The following PDCD5 variants were observed in gnomAD, a reference collection of about 807,000 sequenced individuals.
The protein encoded by PDCD5 is programmed cell death protein 5.
In PDCD5, 23 loss-of-function variants were observed where a neutral mutation model predicts 21.9. The ratio of observed to expected loss-of-function variants is 1.05; its 90% CI spans 0.76 to 1.49. The LOEUF is 1.49. Among genes scored for constraint, PDCD5 ranks in the 40% most tolerant of loss-of-function variants. The pLI, the probability that PDCD5 is intolerant of heterozygous loss-of-function variation, is 0.00. For missense variants in PDCD5, 152 were observed against 147.7 expected, an observed-to-expected ratio of 1.03 and a Z score of -0.15; for synonymous variants, 45 against 49.4, an observed-to-expected ratio of 0.91 and a Z score of 0.37.
chr19:32,587,226 C>T, intron 5 of PDCD5, 27 bp from the exon 6 acceptor site: 1 of 1,506,970 alleles, frequency 6.6e-7, no homozygotes, highest in Non-Finnish European at 9.2e-7. Context: ...TAGAAATGTT[C>T]TGACACTCAT....
chr19:32,582,321 AGAT>A, intron 2 of PDCD5, 89 bp downstream of exon 2: 1 of 1,209,574 alleles, frequency 8.3e-7, no homozygotes, highest in East Asian at 2.4e-5. Context: ...TGTGTGACTC[AGAT>A]TTTTTTGTTT....
Position 32,587,429 on chromosome 19 carries a change from T to A in PDCD5, c.*129T>A. Reference sequence around the variant, plus strand: ...AAACTTGTTATGCAAAATAAAACATTTGGGTAAGTTGTTTTAGTATCATAG... The same window carrying A: ...AAACTTGTTATGCAAAATAAAACATATGGGTAAGTTGTTTTAGTATCATAG... On this transcript the variant is annotated 3_prime_UTR_variant, in exon 6 of 6. Coordinates refer to ENST00000590247, the MANE Select transcript of PDCD5 (RefSeq NM_004708.4). The A allele has an allele frequency of 1.7e-6, 1 of 585,824 alleles. No individual in the cohort carries two copies. 36.3% of individuals were successfully genotyped at this position (585,824 alleles called of 1,614,324 possible).
chr19:32,587,140 A>G, intron 5 of PDCD5, 113 bp from the exon 6 acceptor site: 4 of 910,182 alleles, frequency 4.4e-6, no homozygotes, highest in South Asian at 1.5e-5. Flanking sequence ...AGTTCACGCT[A>G]AGTTGCTTTA....
chr19:32,586,480 C>G (rs971950303), intron 4 of PDCD5: 1 of 1,101,996 alleles, frequency 9.1e-7, no homozygotes, highest in African/African-American at 1.6e-5. Context: ...TGTGACTTAC[C>G]TCCTTCAAGG....
intron 1 of PDCD5, chr19:32,581,640 C>T (rs1971427193): frequency 3.5e-6 from 1 of 282,314 alleles, no homozygotes; most frequent in Non-Finnish European, 6.5e-6. Context: ...TTGGAGCCAG[C>T]AGCCGGACCG....
intron 1 of PDCD5, 190 bp downstream of exon 1, chr19:32,581,517 G>C: frequency 2.6e-6 from 1 of 378,610 alleles, no homozygotes; most frequent in Non-Finnish European, 4.6e-6. Flanking sequence ...GGCCCAGGAG[G>C]CTGGCGGCGG....
chr19:32,583,571 CTATT>C (rs1971449667), intron 2 of PDCD5, among the ~76,000 whole-genome samples: 1 of 151,624 alleles, frequency 6.6e-6, no homozygotes, highest in Admixed American at 6.6e-5. Flanking sequence ...ATGGAGATCT[CTATT>C]AGACCTCTCA....
At chr19:32,583,577 G>A (rs572690965) in intron 2 of PDCD5, among the ~76,000 whole-genome samples, 10 of 151,336 alleles carry the variant, frequency 6.6e-5, no homozygotes, top group Admixed American at 5.3e-4. Flanking sequence ...ATCTCTATTA[G>A]ACCTCTCATT....
Position 32,587,438 on chromosome 19 carries a change from T to C in PDCD5, c.*138T>C. ...ATGCAAAATAAAACATTTGGGTAAG[T>C]TGTTTTAGTATCATAGCCAAGTGGC... On this transcript the variant is annotated 3_prime_UTR_variant, in exon 6 of 6. Transcript: ENST00000590247. 1 of 564,984 alleles carries C rather than the reference T, an allele frequency of 1.8e-6. No homozygotes were observed. The highest frequency in any genetic ancestry group is 3.0e-6 in the Non-Finnish European group (1 of 331,084). The allele number at this position is 564,984 out of a possible 1,614,324, so 35.0% of individuals were successfully genotyped here. A position where few individuals can be genotyped will look rare whatever the true frequency, so the allele number is the denominator to read the frequency against.
At position 32,584,773 on chromosome 19, in the gene PDCD5, C is replaced by A. The variant is rs1032710267; in HGVS notation, c.105-177C>A. On this transcript the variant is annotated intron_variant, in intron 2 of 5. Coordinates refer to ENST00000590247, the MANE Select transcript of PDCD5 (RefSeq NM_004708.4). ...TAATATAAAGCTGGTTCTTTGAGGG[C>A]AAAAGGGGATTCTACTTGAATGTAG... The A allele has an allele frequency of 4.9e-6, 3 of 614,324 alleles. No homozygotes were observed. The Admixed American group carries it at 8.4e-5, about 17-fold the overall frequency. 38.1% of individuals were successfully genotyped at this position (614,324 alleles called of 1,614,324 possible).
rs1358626263 is a variant in PDCD5, at chr19:32,585,910, A to G, written c.258+3A>G. The G allele has an allele frequency of 1.9e-6, 3 of 1,612,650 alleles. No individual in the cohort carries two copies. The African/African-American group carries it at 4.0e-5, about 22-fold the overall frequency. ...GATATGGACAACTAAGTGAGAAGGT[A>G]AGCTTAGACAGCCTTGAGGAACTTT... On this transcript the variant is annotated splice_donor_region_variant and intron_variant, in intron 4 of 5. Transcript: ENST00000590247.
chr19:32,584,891 T>A lies in PDCD5; in HGVS notation c.105-59T>A, dbSNP rs191960849. ...TACTGGATGGGTTCTTTCTCGTATG[T>A]TACATGGGAATGCCGACAGCTGTGT... is the stretch of plus-strand genomic sequence containing the variant. On this transcript the variant is annotated intron_variant, in intron 2 of 5. Coordinates refer to ENST00000590247, the MANE Select transcript of PDCD5 (RefSeq NM_004708.4). The A allele has an allele frequency of 1.4e-4, 197 of 1,380,368 alleles. 1 individual carries two copies. In the African/African-American group the frequency reaches 2.3e-3, roughly 16 times the overall value. The allele number at this position is 1,380,368 out of a possible 1,614,324, so 85.5% of individuals were successfully genotyped here.
chr19:32,581,710 G>A (rs548134225), intron 1 of PDCD5: 1 of 211,912 alleles, frequency 4.7e-6, no homozygotes, highest in Non-Finnish European at 9.2e-6. Context: ...GGTATTGAGG[G>A]TCCGCTGTGT....
At chr19:32,582,295 A>C (rs1180839237) in intron 2 of PDCD5, 63 bp downstream of exon 2, 5 of 1,423,758 alleles carry the variant, frequency 3.5e-6, no homozygotes, top group East Asian at 4.6e-5. Context: ...CTTTTGCTGT[A>C]GTTATTTTAA....
At chr19:32,585,997 A>G (rs1236592784) in intron 4 of PDCD5, 90 bp downstream of exon 4, 2 of 1,611,568 alleles carry the variant, frequency 1.2e-6, no homozygotes, top group Admixed American at 1.7e-5. Flanking sequence ...ACTGGATTAC[A>G]GAATTCTTGC....
At chr19:32,586,698 C>A in intron 4 of PDCD5, 160 bp from the exon 5 acceptor site, 1 of 1,327,238 alleles carries the variant, frequency 7.5e-7, no homozygotes, top group Non-Finnish European at 9.7e-7. Context: ...GAACTTAAAC[C>A]AATAGTTATA....
In PDCD5 at chr19:32,581,613, A is replaced by G. The variant is rs1384968891; in HGVS notation, c.66+286A>G. On this transcript the variant is annotated intron_variant, in intron 1 of 5. Transcript: ENST00000590247. ...GGCTCGTCCTGGCGGGCCTGGATCC[A>G]AGCACAATCTCAGCTTTTGGAGCCA... 4 of 320,154 alleles carry G rather than the reference A, an allele frequency of 1.2e-5. No individual in the cohort carries two copies. The East Asian group carries it at 1.5e-4, about 12-fold the overall frequency. The allele number at this position is 320,154 out of a possible 1,614,324, so 19.8% of individuals were successfully genotyped here.
chr19:32,582,044 T>C lies in PDCD5; in HGVS notation c.67-151T>C. 4 of 676,152 alleles carry C rather than the reference T, an allele frequency of 5.9e-6. 1 individual carries two copies. The South Asian group carries it at 6.9e-5, about 12-fold the overall frequency. 41.9% of individuals were successfully genotyped at this position (676,152 alleles called of 1,614,324 possible). ...TCAAAACGTTGTAAGTGGGAACTAGTTCATTGATTTCTGTGAGGCCCAGTT... is the reference window on the plus strand; with the variant it reads ...TCAAAACGTTGTAAGTGGGAACTAGCTCATTGATTTCTGTGAGGCCCAGTT... On this transcript the variant is annotated intron_variant, in intron 1 of 5. Transcript: ENST00000590247.
At chr19:32,587,068 GCTGAAT>G in intron 5 of PDCD5, 139 bp downstream of exon 5, 2 of 882,462 alleles carry the variant, frequency 2.3e-6, no homozygotes, top group Non-Finnish European at 3.5e-6. Context: ...GGGGAGAAAG[GCTGAAT>G]CTGTTGGGGG....
Sources: allele counts gnomAD v4.1 joint callset (sites outside exome capture counted in the v4.1 genomes callset), GRCh38; gene constraint gnomAD v4.1.1; transcripts MANE v1.5; gene names NCBI Gene and HGNC (gene_info 2026-07-23, HGNC 2026-07-21).